The following CEP120 variants were observed in gnomAD, a reference collection of about 807,000 sequenced individuals.
The protein encoded by CEP120 is centrosomal protein 120, also known as centrosomal protein of 120 kDa.
CEP120 carries 113 observed loss-of-function variants against 126.5 expected under a neutral mutation model. That is an observed-to-expected ratio of 0.89 (90% confidence interval 0.77 to 1.04). CEP120 has a LOEUF of 1.04. CEP120 is among the 50% of genes least tolerant of loss of function. The pLI, the probability that CEP120 is intolerant of heterozygous loss-of-function variation, is 0.00. For missense variants in CEP120, 1,230 were observed against 1,155.7 expected, an observed-to-expected ratio of 1.06 and a Z score of -0.93; for synonymous variants, 400 against 394.3, an observed-to-expected ratio of 1.01 and a Z score of -0.17.
intron 16 of CEP120, 119 bp from the exon 17 acceptor site, chr5:123,372,891 G>C: frequency 1.3e-6 from 1 of 748,010 alleles, no homozygotes; most frequent in Non-Finnish European, 2.1e-6. Flanking sequence ...AGAAAATCTG[G>C]AAAACTGATA....
rs879063244 is a variant in CEP120, at chr5:123,406,542, G to GCCAT, written c.463+5853_463+5856dup. On this transcript the variant is annotated intron_variant, in intron 4 of 19. Coordinates refer to ENST00000306467, the MANE Select transcript of CEP120 (RefSeq NM_001375405.1). ...AAGAATTACATCCAATTTCTCAGAA[G>GCCAT]CCATGCAAGCAAGAAGGGTAGAGTG... 2.7e-5 allele frequency among the ~76,000 whole-genome samples: 4 copies of GCCAT among 148,612 alleles called. No individual in the cohort carries two copies. The South Asian group carries it at 8.7e-4, about 32-fold the overall frequency.
intron 15 of CEP120, 120 bp from the exon 16 acceptor site, chr5:123,377,655 C>G: frequency 1.3e-6 from 1 of 782,902 alleles, no homozygotes; most frequent in Admixed American, 3.0e-5. Context: ...ATTTTCATAT[C>G]TTTTTTAGTT....
chr5:123,384,735 T>C (rs1771903849), intron 11 of CEP120, among the ~76,000 whole-genome samples: 1 of 152,176 alleles, frequency 6.6e-6, no homozygotes, highest in African/African-American at 2.4e-5. Flanking sequence ...CACAGACTCT[T>C]GACTTCTGTG....
rs757230570 is a variant in CEP120 at position 123,418,439 on chromosome 5, A to C, written c.126T>G (p.Asp42Glu). The change falls in exon 2 of 20, where the codon GAT becomes GAG. Residue 42 changes from aspartate (D) to glutamate (E), a missense_variant. Asp to Glu is a conservative substitution (Grantham distance 45). Transcript: ENST00000306467. The part of the protein sequence containing the change: ...AKFDGEQLAT[D>E]PVDHTDQPEF... ...CTGGCTGGTCAGTGTGGTCCACAGG[A>C]TCAGTAGCCAACTGTTCTCCATCAA... 3 of 1,612,976 alleles carry C rather than the reference A, an allele frequency of 1.9e-6. No individual in the cohort carries two copies. The highest frequency in any genetic ancestry group is 1.1e-5 in the South Asian group (1 of 91,006).
intron 3 of CEP120, among the ~76,000 whole-genome samples, chr5:123,413,141 G>A (rs1178523321): frequency 1.3e-5 from 2 of 151,880 alleles, no homozygotes; most frequent in African/African-American, 4.8e-5. Flanking sequence ...GCATGGTGGT[G>A]CACGCCTGTA....
chr5:123,384,945 C>CA lies in CEP120; in HGVS notation c.1763+5dup. On this transcript the variant is annotated splice_donor_region_variant and intron_variant, in intron 11 of 19. Transcript: ENST00000306467. ...AAGCAAATACCAATTCTGTGAAATG[C>CA]ATTACCCTTGTGCTGCTATAACAGG... 1 of 1,589,832 alleles carries CA rather than the reference C, an allele frequency of 6.3e-7. No individual in the cohort carries two copies.
chr5:123,396,888 A>T (rs1253540195), intron 5 of CEP120, among the ~76,000 whole-genome samples: 3 of 152,216 alleles, frequency 2.0e-5, no homozygotes, highest in African/African-American at 7.2e-5. Flanking sequence ...GAAAATGATC[A>T]ACTCTAAGAT....
intron 9 of CEP120, among the ~76,000 whole-genome samples, 187 bp from the exon 10 acceptor site, chr5:123,386,854 C>CT (rs1255273046): frequency 6.6e-6 from 1 of 152,130 alleles, no homozygotes; most frequent in East Asian, 1.9e-4. Flanking sequence ...CATGTCCTAC[C>CT]TTTTTTATCT....
intron 4 of CEP120, among the ~76,000 whole-genome samples, chr5:123,400,704 CAA>C (rs35093126): frequency 8.7e-4 from 82 of 93,780 alleles, no homozygotes; most frequent in East Asian, 1.7e-3. Flanking sequence ...TATTTTGGAC[CAA>C]AAAAAAAAAA....
At chr5:123,399,439 A>G (rs1057432532) in intron 4 of CEP120, among the ~76,000 whole-genome samples, 155 bp from the exon 5 acceptor site, 1 of 152,248 alleles carries the variant, frequency 6.6e-6, no homozygotes, top group Non-Finnish European at 1.5e-5. Flanking sequence ...CATACTCACC[A>G]AAGAAACCTT....
chr5:123,418,449 A>T lies in CEP120; in HGVS notation c.116T>A (p.Leu39Ter). The change falls in exon 2 of 20, where the codon TTG becomes TAG. Residue 39 changes from leucine (L) to a stop codon, truncating the protein, a stop_gained. Transcript: ENST00000306467. LOFTEE classifies it high-confidence loss of function. The part of the protein sequence containing the change: ...VVEAKFDGEQ[L>*]ATDPVDHTDQ... ...AGTGTGGTCCACAGGATCAGTAGCC[A>T]ACTGTTCTCCATCAAACTTTGCTTC... 4.3e-6 allele frequency: 7 copies of T among 1,612,484 alleles called. No homozygotes were observed. Among genetic ancestry groups the T allele is most frequent in the Non-Finnish European group, 5.9e-6 (7 of 1,178,780 alleles).
intron 9 of CEP120, 47 bp from the exon 10 acceptor site, chr5:123,386,714 T>C: frequency 2.3e-6 from 3 of 1,294,602 alleles, no homozygotes; most frequent in Non-Finnish European, 3.0e-6. Flanking sequence ...AATGATATGG[T>C]TTACAGATGA....
intron 4 of CEP120, among the ~76,000 whole-genome samples, chr5:123,409,971 C>CAA (rs1353891467): frequency 1.5e-3 from 99 of 67,592 alleles, no homozygotes; most frequent in African/African-American, 6.1e-3. Flanking sequence ...ACAAAACAAG[C>CAA]AAAAAAAAAA....
intron 17 of CEP120, among the ~76,000 whole-genome samples, chr5:123,368,894 A>G (rs1005873234): frequency 6.6e-6 from 1 of 152,024 alleles, no homozygotes; most frequent in Non-Finnish European, 1.5e-5. Flanking sequence ...AAAATAGTAA[A>G]ACAATGTTAC....
intron 17 of CEP120, 115 bp from the exon 18 acceptor site, chr5:123,364,709 C>T (rs186915371): frequency 4.9e-5 from 21 of 427,978 alleles, no homozygotes; most frequent in Admixed American, 1.2e-4. Flanking sequence ...GTGTAACATA[C>T]GACATCATCT....
chr5:123,399,005 T>A, intron 5 of CEP120, 131 bp downstream of exon 5: 1 of 579,732 alleles, frequency 1.7e-6, no homozygotes, highest in Non-Finnish European at 2.8e-6. Context: ...AAAGAAAACA[T>A]GTTTTGAACT....
At chr5:123,404,633 T>C (rs552064284) in intron 4 of CEP120, among the ~76,000 whole-genome samples, 46 of 152,186 alleles carry the variant, frequency 3.0e-4, no homozygotes, top group Non-Finnish European at 5.9e-4. Context: ...AAATACTGAA[T>C]TATAATATCT....
intron 1 of CEP120, among the ~76,000 whole-genome samples, chr5:123,419,440 G>T (rs531657085): frequency 1.4e-4 from 22 of 151,884 alleles, no homozygotes; most frequent in African/African-American, 5.3e-4. Context: ...CCAGCTACTC[G>T]GGAGGCTGAG....
chr5:123,410,731 C>T (rs764343889), intron 4 of CEP120, among the ~76,000 whole-genome samples: 17 of 152,224 alleles, frequency 1.1e-4, no homozygotes, highest in Non-Finnish European at 1.9e-4. Flanking sequence ...TATAAAAGTC[C>T]TAGAAGATAA....
Sources: allele counts gnomAD v4.1 joint callset (sites outside exome capture counted in the v4.1 genomes callset), GRCh38; gene constraint gnomAD v4.1.1; transcripts MANE v1.5; gene names NCBI Gene and HGNC (gene_info 2026-07-23, HGNC 2026-07-21).